Variants in ARHGAP22 observed in about 807,000 individuals in gnomAD.
ARHGAP22 encodes Rho GTPase activating protein 22.
ARHGAP22 carries 48 observed loss-of-function variants against 59.1 expected under a neutral mutation model. The ratio of observed to expected loss-of-function variants is 0.81; its 90% CI spans 0.64 to 1.03. The LOEUF is 1.03. Ranked by LOEUF, ARHGAP22 falls within the 50% of genes least tolerant of loss-of-function variation. The pLI, the probability that ARHGAP22 is intolerant of heterozygous loss-of-function variation, is 0.00. For missense variants in ARHGAP22, 1,015 were observed against 958.7 expected (o/e 1.06, Z -0.78); for synonymous variants, 445 against 416.4 (o/e 1.07, Z -0.84).
chr10:48,557,058 T>C (rs979514763), intron 2 of ARHGAP22, among the ~76,000 whole-genome samples: 1 of 152,242 alleles, frequency 6.6e-6, no homozygotes, highest in African/African-American at 2.4e-5. Context: ...TACCCGCAGA[T>C]GCTTGCTTTA....
In ARHGAP22 at chr10:48,458,751, C is replaced by T. The variant is rs117955520; in HGVS notation, c.659+933G>A. ...CAGAATGGACGACAAGCTCACTGAG[C>T]GTCAACACTGGGATGGAGCTTCACA... On this transcript the variant is annotated intron_variant, in intron 5 of 9. Coordinates refer to ENST00000249601, the MANE Select transcript of ARHGAP22 (RefSeq NM_021226.4). Among the ~76,000 whole-genome samples the T allele has an allele frequency of 7.5e-3, 1,142 of 152,278 alleles. 3 individuals are homozygous for T. Among genetic ancestry groups the T allele is most frequent in the Non-Finnish European group, 9.0e-3 (612 of 68,010 alleles).
chr10:48,498,130 G>A (rs933745743), intron 3 of ARHGAP22, among the ~76,000 whole-genome samples: 4 of 152,102 alleles, frequency 2.6e-5, no homozygotes, highest in Non-Finnish European at 2.9e-5. Context: ...CTGTCATCAC[G>A]AGCCCACATG....
chr10:48,477,338 C>T (rs2048848850), intron 4 of ARHGAP22, among the ~76,000 whole-genome samples: 1 of 152,200 alleles, frequency 6.6e-6, no homozygotes. Flanking sequence ...GTAGGTGGCA[C>T]TGTAGTGGAT....
At chr10:48,569,968 T>C (rs1310620939) in intron 2 of ARHGAP22, among the ~76,000 whole-genome samples, 2 of 152,236 alleles carry the variant, frequency 1.3e-5, no homozygotes, top group Non-Finnish European at 1.5e-5. Flanking sequence ...GGGCCTGCTC[T>C]CAGAACCCTG....
intron 4 of ARHGAP22, among the ~76,000 whole-genome samples, chr10:48,460,389 C>T (rs141518025): frequency 1.3e-5 from 2 of 152,316 alleles, no homozygotes; most frequent in East Asian, 1.9e-4. Context: ...GACTCAGCAT[C>T]AATCATTATT....
intron 3 of ARHGAP22, among the ~76,000 whole-genome samples, chr10:48,483,250 C>T (rs770157728): frequency 6.6e-6 from 1 of 152,112 alleles, no homozygotes; most frequent in Non-Finnish European, 1.5e-5. Context: ...GGTACATTAA[C>T]GTATTTATGC....
chr10:48,630,300 C>T (rs762978028), intron 1 of ARHGAP22, among the ~76,000 whole-genome samples: 5 of 152,068 alleles, frequency 3.3e-5, no homozygotes, highest in African/African-American at 1.2e-4. Flanking sequence ...CCATGTTGGC[C>T]GGGATGTTCT....
rs117804896 is a variant in ARHGAP22 at position 48,452,785 on chromosome 10, C to T, written c.988+519G>A. 2.0e-5 allele frequency among the ~76,000 whole-genome samples: 3 copies of T among 152,362 alleles called. No homozygotes were observed. In the East Asian group the frequency reaches 5.8e-4, roughly 29 times the overall value. The stretch of plus-strand genomic sequence containing the variant: ...GTGGGGGCGATTACCACAGCACAGG[C>T]TGGTTGTAAAGCCTGAAATGAGATG... On this transcript the variant is annotated intron_variant, in intron 8 of 9. Coordinates refer to ENST00000249601, the MANE Select transcript of ARHGAP22 (RefSeq NM_021226.4).
intron 3 of ARHGAP22, among the ~76,000 whole-genome samples, chr10:48,487,960 A>G (rs775930158): frequency 3.3e-5 from 5 of 152,204 alleles, no homozygotes; most frequent in Non-Finnish European, 5.9e-5. Context: ...GGTTCCAGCT[A>G]CTAAGGAGTC....
intron 3 of ARHGAP22, among the ~76,000 whole-genome samples, chr10:48,549,067 G>A (rs1428985375): frequency 6.6e-6 from 1 of 152,224 alleles, no homozygotes; most frequent in Non-Finnish European, 1.5e-5. Flanking sequence ...AACGTGGTGT[G>A]CTCAGCTTCA....
At chr10:48,430,467 A>G in the ARHGAP22 span, 7,104 of 152,300 alleles carry the variant, frequency 0.047, 555 homozygotes, top group African/African-American at 0.16. Flanking sequence ...TTCTGATGAT[A>G]ATATAAGTGA....
At chr10:48,594,196 G>A (rs986919063) in intron 1 of ARHGAP22, among the ~76,000 whole-genome samples, 1 of 152,216 alleles carries the variant, frequency 6.6e-6, no homozygotes, top group Non-Finnish European at 1.5e-5. Flanking sequence ...GCTAGTGGGA[G>A]AGACTAACAC....
intron 3 of ARHGAP22, among the ~76,000 whole-genome samples, chr10:48,526,406 G>A (rs779283334): frequency 7.9e-5 from 12 of 152,214 alleles, no homozygotes; most frequent in Non-Finnish European, 1.5e-5. Context: ...CGTTAGATCC[G>A]GAAAGAAAGA....
At chr10:48,567,856 G>A (rs2058148294) in intron 2 of ARHGAP22, among the ~76,000 whole-genome samples, 1 of 152,038 alleles carries the variant, frequency 6.6e-6, no homozygotes, top group Non-Finnish European at 1.5e-5. Context: ...TTTAGCTGCT[G>A]GGATCTCAAG....
At chr10:48,612,221 C>T (rs959727582) in intron 1 of ARHGAP22, among the ~76,000 whole-genome samples, 2 of 152,144 alleles carry the variant, frequency 1.3e-5, no homozygotes, top group African/African-American at 4.8e-5. Flanking sequence ...TCAAGTCTTT[C>T]CTGCTCTCAA....
chr10:48,451,389 T>G (rs1348588256), intron 8 of ARHGAP22: 1 of 710,732 alleles, frequency 1.4e-6, no homozygotes, highest in South Asian at 1.5e-5. Flanking sequence ...GGAAGCACTG[T>G]GCCTGCGCTC....
At chr10:48,457,568 G>A (rs192181439) in intron 5 of ARHGAP22, among the ~76,000 whole-genome samples, 17 of 152,314 alleles carry the variant, frequency 1.1e-4, no homozygotes, top group Admixed American at 1.1e-3. Flanking sequence ...AGTCCATGCA[G>A]CCCTAGGCTC....
intron 2 of ARHGAP22, among the ~76,000 whole-genome samples, chr10:48,580,622 G>T (rs1346243284): frequency 1.3e-5 from 2 of 152,210 alleles, no homozygotes; most frequent in Non-Finnish European, 1.5e-5. Flanking sequence ...TAATCAGAGT[G>T]ACAGATCACC....
intron 3 of ARHGAP22, among the ~76,000 whole-genome samples, chr10:48,542,608 C>T (rs960105815): frequency 6.6e-6 from 1 of 152,178 alleles, no homozygotes; most frequent in Admixed American, 6.5e-5. Context: ...TTGCTGTCTT[C>T]CCCTCATGCC....
Sources: gnomAD v4.1 joint callset for allele counts (sites outside exome capture counted in the v4.1 genomes callset) on GRCh38, gnomAD v4.1.1 for gene constraint, MANE v1.5 for transcripts, NCBI Gene and HGNC (gene_info 2026-07-23, HGNC 2026-07-21) for gene names.